SCUBE1: variants seen among roughly 807,000 people sequenced by gnomAD.
SCUBE1 encodes signal peptide, CUB domain and EGF like domain containing 1, also known as signal peptide, CUB and EGF-like domain-containing protein 1.
SCUBE1 carries 59 observed loss-of-function variants against 124.4 expected under a neutral mutation model. The observed-to-expected ratio is 0.47, with a 90% CI of 0.38 to 0.59. SCUBE1 has a LOEUF of 0.59. SCUBE1 is among the 20% of genes least tolerant of loss of function. The probability of loss-of-function intolerance (pLI) is 0.00; values close to 1 mark genes in which losing one functional copy is unlikely to be tolerated. For missense variants in SCUBE1, 1,150 were observed against 1,371.2 expected (o/e 0.84, Z 2.55); for synonymous variants, 545 against 550.9 (o/e 0.99, Z 0.15).
chr22:43,236,975 G>A (rs1300690119), intron 7 of SCUBE1, among the ~76,000 whole-genome samples: 2 of 152,140 alleles, frequency 1.3e-5, no homozygotes, highest in African/African-American at 4.8e-5. Flanking sequence ...GGGAGCCAGG[G>A]CCCTAAGGGC....
At chr22:43,298,994 G>A (rs1202958892) in intron 3 of SCUBE1, among the ~76,000 whole-genome samples, 1 of 151,470 alleles carries the variant, frequency 6.6e-6, no homozygotes, top group Non-Finnish European at 1.5e-5. Flanking sequence ...GGAGCTTGCA[G>A]TGAGCCAGAC....
At chr22:43,229,997 T>C (rs1205146184) in intron 8 of SCUBE1, among the ~76,000 whole-genome samples, 1 of 152,216 alleles carries the variant, frequency 6.6e-6, no homozygotes, top group East Asian at 1.9e-4. Flanking sequence ...CTCATGTAAT[T>C]TCACAAATAT....
intron 6 of SCUBE1, among the ~76,000 whole-genome samples, chr22:43,256,666 TA>T (rs2146705042): frequency 6.6e-6 from 1 of 152,352 alleles, no homozygotes; most frequent in South Asian, 2.1e-4. Flanking sequence ...CAAGATGTGT[TA>T]GACACAGGCT....
At chr22:43,281,425 G>A (rs1402693223) in intron 4 of SCUBE1, among the ~76,000 whole-genome samples, 5 of 78,254 alleles carry the variant, frequency 6.4e-5, no homozygotes, top group Non-Finnish European at 1.0e-4. Flanking sequence ...CCATCCTCCT[G>A]TCACCTCCCT....
At chr22:43,304,602 CTGTG>C (rs147295366) in intron 3 of SCUBE1, among the ~76,000 whole-genome samples, 1 of 151,740 alleles carries the variant, frequency 6.6e-6, no homozygotes, top group Non-Finnish European at 1.5e-5. Context: ...GTGTGTGTGT[CTGTG>C]TGTGTGTGTA....
At chr22:43,249,349 A>G (rs1923347413) in intron 6 of SCUBE1, among the ~76,000 whole-genome samples, 1 of 151,120 alleles carries the variant, frequency 6.6e-6, no homozygotes, top group African/African-American at 2.4e-5. Context: ...GGTGGAGGGG[A>G]GCTAGCGGGG....
chr22:43,276,087 C>G (rs1175945248), intron 4 of SCUBE1: 1 of 152,534 alleles, frequency 6.6e-6, no homozygotes, highest in Admixed American at 6.5e-5. Context: ...AAGGCAGCAC[C>G]CCAGCGCTGG....
intron 16 of SCUBE1, chr22:43,213,781 G>A (rs1450860520): frequency 1.2e-5 from 3 of 240,296 alleles, no homozygotes; most frequent in East Asian, 8.8e-5. Context: ...CTTAGAAACC[G>A]TAAGTTGCAC....
chr22:43,339,970 C>G lies in SCUBE1; in HGVS notation c.89-735G>C, dbSNP rs540209851. On this transcript the variant is annotated intron_variant, in intron 1 of 21. Transcript: ENST00000360835. ...CCCCACTCTCCTCATTCTACCCCCC[C>G]CAAAGCATAGCTCCAACCCTCCCCC... Among the ~76,000 whole-genome samples the G allele has an allele frequency of 1.8e-3, 124 of 70,596 alleles. 3 individuals are homozygous for G. Among genetic ancestry groups the G allele is most frequent in the African/African-American group, 7.1e-3 (118 of 16,538 alleles). The allele number at this position is 70,596 out of a possible 152,430, so 46.3% of individuals were successfully genotyped here. A position where few individuals can be genotyped will look rare whatever the true frequency, so the allele number is the denominator to read the frequency against.
rs1385693437 is a variant in SCUBE1 at position 43,198,944 on chromosome 22, C to G, written c.*5053G>C. On this transcript the variant is annotated 3_prime_UTR_variant, in exon 22 of 22. Coordinates refer to ENST00000360835, the MANE Select transcript of SCUBE1 (RefSeq NM_173050.5). ...TGTCTGGGGCAGTTTGTCTGTCTGTCTGCTGTCCGGGGCAGTTTTTCTGTC... is the reference window on the plus strand; with the variant it reads ...TGTCTGGGGCAGTTTGTCTGTCTGTGTGCTGTCCGGGGCAGTTTTTCTGTC... 1 of 367,900 alleles carries G rather than the reference C, an allele frequency of 2.7e-6. No individual in the cohort carries two copies. Among genetic ancestry groups the G allele is most frequent in the Non-Finnish European group, 5.3e-6 (1 of 189,246 alleles). The allele number at this position is 367,900 out of a possible 1,614,324, so 22.8% of individuals were successfully genotyped here.
rs1922691661 is a variant in SCUBE1 at position 43,234,735 on chromosome 22, G to A, written c.845-2860C>T. On this transcript the variant is annotated intron_variant, in intron 7 of 21. Coordinates refer to ENST00000360835, the MANE Select transcript of SCUBE1 (RefSeq NM_173050.5). This position sits in a 1 kb window ranked among gnomAD's most constrained non-coding sequence, Gnocchi z 4.4. ...CACCAGGCAGCCAGCACCACCTTCC[G>A]CACACAAATCTGGCTGAGTCCCTGC... 6.6e-6 allele frequency among the ~76,000 whole-genome samples: 1 copy of A among 152,124 alleles called. No individual in the cohort carries two copies. The highest frequency in any genetic ancestry group is 2.4e-5 in the African/African-American group (1 of 41,422).
chr22:43,252,814 C>T (rs1028213911), intron 6 of SCUBE1, among the ~76,000 whole-genome samples: 6 of 152,158 alleles, frequency 3.9e-5, no homozygotes, highest in Non-Finnish European at 8.8e-5. Flanking sequence ...AGGATGGGAA[C>T]GGTCACCTCC....
intron 1 of SCUBE1, among the ~76,000 whole-genome samples, chr22:43,339,683 C>G (rs13053712): frequency 0.38 from 24,110 of 64,232 alleles, 2,556 homozygotes; most frequent in African/African-American, 0.51. Flanking sequence ...CTCACTCTAT[C>G]CCCCCACAAG....
rs762018634 is a variant in SCUBE1 at position 43,197,762 on chromosome 22, A to G, written c.*6235T>C. On this transcript the variant is annotated 3_prime_UTR_variant, in exon 22 of 22. Transcript: ENST00000360835. ...TGGCTGTGTCTGCTCACGTCGGCAC[A>G]GTGAGTACCCTGTCCGCCTGGTAGG... 6.6e-6 allele frequency: 1 copy of G among 152,278 alleles called. No homozygotes were observed. The highest frequency in any genetic ancestry group is 1.5e-5 in the Non-Finnish European group (1 of 68,070). 9.4% of individuals were successfully genotyped at this position (152,278 alleles called of 1,614,324 possible).
intron 6 of SCUBE1, among the ~76,000 whole-genome samples, chr22:43,240,689 C>G (rs541111324): frequency 6.6e-6 from 1 of 152,188 alleles, no homozygotes; most frequent in Admixed American, 6.5e-5. Context: ...CAAATCAACC[C>G]GCTTACAAGG....
At chr22:43,303,979 C>G (rs1925869967) in intron 3 of SCUBE1, among the ~76,000 whole-genome samples, 1 of 152,216 alleles carries the variant, frequency 6.6e-6, no homozygotes, top group African/African-American at 2.4e-5. Context: ...TTTGTGCAGT[C>G]CACAGTGGGC....
In SCUBE1 at chr22:43,227,363, C is replaced by T. The variant is rs781146371; in HGVS notation, c.1207+11G>A. The T allele has an allele frequency of 2.1e-5, 33 of 1,605,552 alleles. No individual in the cohort carries two copies. Among genetic ancestry groups the T allele is most frequent in the South Asian group, 1.3e-4 (12 of 90,372 alleles). ...CAGGGGAGGGGCCAGCAGCACAGGG[C>T]GGCCACCTACCCACGCAATCCTTCC... On this transcript the variant is annotated intron_variant, in intron 10 of 21. Coordinates refer to ENST00000360835, the MANE Select transcript of SCUBE1 (RefSeq NM_173050.5).
rs1032369298 is a variant in SCUBE1 at position 43,220,537 on chromosome 22, T to C, written c.1600A>G (p.Arg534Gly). 3 of 1,613,986 alleles carry C rather than the reference T, an allele frequency of 1.9e-6. No homozygotes were observed. The African/African-American group carries it at 4.0e-5, about 22-fold the overall frequency. The change falls in exon 14 of 22, where the codon AGG becomes GGG. Residue 534 changes from arginine to glycine, a missense_variant. By Grantham distance (125) the Arg-to-Gly change is moderately radical (BLOSUM62 -2). Around this residue, in one of 3 missense-constraint regions of SCUBE1, gnomAD observed 757 missense variants for 840.9 expected, o/e 0.90. Transcript: ENST00000360835. Reference sequence around the variant, plus strand: ...GATGGGGACTTGCGGCCACGGCGCCTCTTCTTGGAGGAGTCACACTTGAGG... The same window carrying C: ...GATGGGGACTTGCGGCCACGGCGCCCCTTCTTGGAGGAGTCACACTTGAGG... The part of the protein sequence containing the change: ...VTLKCDSSKK[R>G]RRGRKSPSKE...
Position 43,339,724 on chromosome 22 carries a change from T to C in SCUBE1, c.89-489A>G, listed in dbSNP as rs367734708. Among the ~76,000 whole-genome samples, 142 of 79,476 alleles carry C rather than the reference T, an allele frequency of 1.8e-3. No individual in the cohort carries two copies. The East Asian group carries it at 0.033, about 18-fold the overall frequency. 52.1% of individuals were successfully genotyped at this position (79,476 alleles called of 152,430 possible). On this transcript the variant is annotated intron_variant, in intron 1 of 21. Coordinates refer to ENST00000360835, the MANE Select transcript of SCUBE1 (RefSeq NM_173050.5). Reference sequence around the variant, plus strand: ...CTCCAACCCTCCCCCACTCTCCTCATTCTACCCCCCACAAGCATAGCTCCA... The same window carrying C: ...CTCCAACCCTCCCCCACTCTCCTCACTCTACCCCCCACAAGCATAGCTCCA...
Sources: allele counts gnomAD v4.1 joint callset (sites outside exome capture counted in the v4.1 genomes callset), GRCh38; gene constraint gnomAD v4.1.1; regional missense constraint gnomAD v4.1.1; non-coding constraint Gnocchi (gnomAD v3.1); transcripts MANE v1.5; gene names NCBI Gene and HGNC (gene_info 2026-07-23, HGNC 2026-07-21).